Variants in HPD observed in about 807,000 individuals in gnomAD.
HPD encodes 4-hydroxyphenylpyruvic acid oxidase.
Under a neutral mutation model 56.9 loss-of-function variants are expected in HPD, and 35 were observed. The observed-to-expected ratio is 0.62, with a 90% CI of 0.47 to 0.82. The LOEUF (loss-of-function observed/expected upper bound fraction) is 0.82. HPD is among the 40% of genes least tolerant of loss of function. The pLI is 0.00. For missense variants in HPD, 442 were observed against 506.8 expected (o/e 0.87, Z 1.23); for synonymous variants, 186 against 200.2 (o/e 0.93, Z 0.60).
chr12:121,846,771 C>T (rs1877597693), intron 11 of HPD, 91 bp downstream of exon 11: 6 of 1,222,172 alleles, frequency 4.9e-6, no homozygotes, highest in South Asian at 2.5e-5. Context: ...GAAACGGGCC[C>T]AGGACTGCCG....
chr12:121,858,617 C>G (rs1878090108), intron 2 of HPD, 70 bp downstream of exon 2: 1 of 1,439,078 alleles, frequency 6.9e-7, no homozygotes, highest in Middle Eastern at 1.8e-4. Context: ...CTGCTGAAAC[C>G]CCAGTCTCCC....
chr12:121,881,980 C>A, the HPD span, among the ~76,000 whole-genome samples: 1 of 151,158 alleles, frequency 6.6e-6, no homozygotes, highest in Admixed American at 6.7e-5. Flanking sequence ...TGGGGTTTCA[C>A]CATGTTCGCC....
the HPD span, among the ~76,000 whole-genome samples, chr12:121,880,494 T>C: frequency 6.6e-6 from 1 of 151,842 alleles, no homozygotes; most frequent in Non-Finnish European, 1.5e-5. Flanking sequence ...ATGCCCGGCC[T>C]GTACCATGAT....
chr12:121,852,554 A>G (rs1877827049), intron 7 of HPD, among the ~76,000 whole-genome samples: 1 of 148,490 alleles, frequency 6.7e-6, no homozygotes, highest in East Asian at 2.0e-4. Context: ...AGAATTGGTC[A>G]TCTTTGCTGA....
chr12:121,887,002 C>A, the HPD span, among the ~76,000 whole-genome samples: 3 of 152,106 alleles, frequency 2.0e-5, no homozygotes, highest in South Asian at 4.1e-4. Context: ...CCGGTTCAAG[C>A]GATTCTCCTG....
chr12:121,869,525 A>G, the HPD span, among the ~76,000 whole-genome samples: 1 of 150,572 alleles, frequency 6.6e-6, no homozygotes, highest in East Asian at 2.0e-4. Flanking sequence ...CCCTTATCGA[A>G]TATATTTGGA....
chr12:121,866,245 G>A (rs1286701804), upstream of HPD, among the ~76,000 whole-genome samples: 1 of 146,816 alleles, frequency 6.8e-6, no homozygotes, highest in East Asian at 2.1e-4. Context: ...AGCTTGCAGT[G>A]AGCAGAGATC....
the HPD span, among the ~76,000 whole-genome samples, chr12:121,875,398 CT>C: frequency 3.4e-5 from 5 of 146,122 alleles, no homozygotes; most frequent in Admixed American, 6.8e-5. Flanking sequence ...AATTTCTTTT[CT>C]TTTTTTTCTC....
chr12:121,841,831 T>C (rs1877418053), intron 12 of HPD, among the ~76,000 whole-genome samples: 1 of 151,924 alleles, frequency 6.6e-6, no homozygotes, highest in Non-Finnish European at 1.5e-5. Flanking sequence ...ATTACAGGCA[T>C]CTGCTATCAC....
At chr12:121,853,163 T>C (rs1167427015) in intron 7 of HPD, among the ~76,000 whole-genome samples, 2 of 151,702 alleles carry the variant, frequency 1.3e-5, no homozygotes, top group Non-Finnish European at 2.9e-5. Flanking sequence ...CAACAGACAC[T>C]AGGGCCTGTC....
the HPD span, among the ~76,000 whole-genome samples, chr12:121,879,482 G>GTTCTCTTCTCTTCTCTTCTCTTTTC: frequency 6.8e-6 from 1 of 147,894 alleles, no homozygotes; most frequent in Non-Finnish European, 1.5e-5. Context: ...TTTCTCTTCT[G>GTTCTCTTCTCTTCTCTTCTCTTTTC]TTCTCTTCTC....
chr12:121,881,478 C>G, the HPD span, among the ~76,000 whole-genome samples: 1 of 152,102 alleles, frequency 6.6e-6, no homozygotes, highest in African/African-American at 2.4e-5. Context: ...AGCTATGTCC[C>G]TGTACTGAAG....
At chr12:121,859,485 G>C (rs531620593), upstream of HPD, among the ~76,000 whole-genome samples, 4 of 152,134 alleles carry the variant, frequency 2.6e-5, no homozygotes, top group Non-Finnish European at 5.9e-5. Flanking sequence ...ACATTCCTAG[G>C]CCATGAGGTC....
upstream of HPD, among the ~76,000 whole-genome samples, chr12:121,861,031 C>T (rs369201403): frequency 5.3e-5 from 8 of 152,076 alleles, no homozygotes; most frequent in Non-Finnish European, 1.2e-4. Context: ...GAAACCCTAT[C>T]TCTACTAAAA....
In HPD at chr12:121,856,622, C is replaced by T. The variant is rs1592923369; in HGVS notation, c.202G>A (p.Val68Met). ...TTGAGCGCTGAGGAGAGGACAAACA[C>T]AATCTAAGATAGGAGGAGAAGGAGG... The part of the protein sequence containing the change: ...VSHVIKQGKI[V>M]FVLSSALNPW... Residue 68 changes from valine (V) to methionine (M), a missense_variant, in exon 5 of 14, where the codon GTG (valine) becomes ATG (methionine). By Grantham distance (21) the Val-to-Met change is conservative (BLOSUM62 1). Coordinates refer to ENST00000289004, the MANE Select transcript of HPD (RefSeq NM_002150.3). The T allele has an allele frequency of 6.2e-7, 1 of 1,614,134 alleles. No homozygotes were observed. Among genetic ancestry groups the T allele is most frequent in the African/African-American group, 1.3e-5 (1 of 75,036 alleles).
chr12:121,843,011 A>G (rs867678997), intron 12 of HPD, among the ~76,000 whole-genome samples: 4 of 151,828 alleles, frequency 2.6e-5, no homozygotes, highest in Non-Finnish European at 5.9e-5. Context: ...CTCCCAAAGT[A>G]CTGAGATTAC....
intron 7 of HPD, among the ~76,000 whole-genome samples, chr12:121,852,630 T>C (rs1365337054): frequency 3.0e-5 from 1 of 33,370 alleles, no homozygotes; most frequent in East Asian, 3.9e-3. Flanking sequence ...TCCTTTTTTT[T>C]TTTTTTTTTT....
chr12:121,864,170 C>A (rs1878259651), upstream of HPD, among the ~76,000 whole-genome samples: 1 of 151,738 alleles, frequency 6.6e-6, no homozygotes, highest in South Asian at 2.1e-4. Context: ...CACTTGAACC[C>A]GGGAGGCAGG....
chr12:121,873,115 T>C, the HPD span, among the ~76,000 whole-genome samples: 61 of 152,306 alleles, frequency 4.0e-4, no homozygotes, highest in Middle Eastern at 3.4e-3. Flanking sequence ...TCATTTTGTT[T>C]GCATTTGCTG....
Sources: allele counts gnomAD v4.1 joint callset (sites outside exome capture counted in the v4.1 genomes callset), GRCh38; gene constraint gnomAD v4.1.1; transcripts MANE v1.5; gene names NCBI Gene and HGNC (gene_info 2026-07-23, HGNC 2026-07-21).